The following PRICKLE1 variants were observed in gnomAD, a reference collection of about 807,000 sequenced individuals.
PRICKLE1 encodes the protein prickle-like protein 1.
Under a neutral mutation model 70.2 loss-of-function variants are expected in PRICKLE1, and 14 were observed. The ratio of observed to expected loss-of-function variants is 0.20; its 90% CI spans 0.13 to 0.31. PRICKLE1 has a LOEUF of 0.31. PRICKLE1 is among the 10% of genes least tolerant of loss of function. PRICKLE1 has a pLI of 1.00. For synonymous variants in PRICKLE1, 357 were observed against 379.9 expected (o/e 0.94, Z 0.70); for missense variants, 821 against 1,026.2 (o/e 0.80, Z 2.73).
At chr12:42,557,515 G>A (rs1230844021) in intron 1 of PRICKLE1, among the ~76,000 whole-genome samples, 1 of 152,146 alleles carries the variant, frequency 6.6e-6, no homozygotes, top group Non-Finnish European at 1.5e-5. Flanking sequence ...TGAAAATTTG[G>A]GGTGGGGGGA....
At chr12:42,486,644 G>A (rs1169420324) in intron 1 of PRICKLE1, among the ~76,000 whole-genome samples, 2 of 152,208 alleles carry the variant, frequency 1.3e-5, no homozygotes, top group African/African-American at 2.4e-5. Context: ...CAACTTTGGC[G>A]CTAATCCCTG....
chr12:42,512,950 CATTATT>C (rs34357156), intron 1 of PRICKLE1, among the ~76,000 whole-genome samples: 1 of 149,834 alleles, frequency 6.7e-6, no homozygotes. Flanking sequence ...TGCCCTAAGG[CATTATT>C]ATTATTATTA....
At chr12:42,508,576 A>G (rs1397764654) in intron 1 of PRICKLE1, among the ~76,000 whole-genome samples, 1 of 152,220 alleles carries the variant, frequency 6.6e-6, no homozygotes, top group African/African-American at 2.4e-5. Flanking sequence ...ACTGCTTCAT[A>G]AATAGCTTTA....
chr12:42,579,925 G>A (rs924852715), intron 1 of PRICKLE1, among the ~76,000 whole-genome samples: 1 of 151,840 alleles, frequency 6.6e-6, no homozygotes, highest in Non-Finnish European at 1.5e-5. Flanking sequence ...AGGCTGGAGT[G>A]CAATGGCGCA....
intron 1 of PRICKLE1, among the ~76,000 whole-genome samples, chr12:42,502,506 T>G (rs1470839842): frequency 6.6e-6 from 1 of 151,894 alleles, no homozygotes; most frequent in East Asian, 1.9e-4. Flanking sequence ...GACAGGTGTC[T>G]CACTGTCTTG....
chr12:42,518,895 C>T (rs972173867), intron 1 of PRICKLE1, among the ~76,000 whole-genome samples: 13 of 152,094 alleles, frequency 8.5e-5, no homozygotes, highest in Admixed American at 2.0e-4. Flanking sequence ...AATGTTATAA[C>T]ATGGTTATAA....
intron 1 of PRICKLE1, among the ~76,000 whole-genome samples, chr12:42,507,679 G>A (rs952964206): frequency 2.6e-5 from 4 of 152,192 alleles, no homozygotes; most frequent in African/African-American, 7.2e-5. Flanking sequence ...AGTCAATGAA[G>A]GTTGCATTGC....
intron 7 of PRICKLE1, among the ~76,000 whole-genome samples, chr12:42,463,239 T>C (rs1937930952): frequency 6.6e-6 from 1 of 152,074 alleles, no homozygotes; most frequent in African/African-American, 2.4e-5. Flanking sequence ...GCAGAGGTTA[T>C]AGTGAGCTGA....
intron 4 of PRICKLE1, 78 bp from the exon 5 acceptor site, chr12:42,468,907 A>C: frequency 7.1e-7 from 1 of 1,406,670 alleles, no homozygotes; most frequent in Non-Finnish European, 9.9e-7. Flanking sequence ...TTTAGGATAA[A>C]TCTCGAATTT....
chr12:42,506,241 G>GTTTTTTTTTTTTTTTTTTTTTTTTTTTTT (rs774029085), intron 1 of PRICKLE1, among the ~76,000 whole-genome samples: 1 of 122,098 alleles, frequency 8.2e-6, no homozygotes, highest in Admixed American at 1.0e-4. Context: ...AGTAAAAAAT[G>GTTTTTTTTTTTTTTTTTTTTTTTTTTTTT]TTCTTTTTTC....
At chr12:42,470,422 C>A in intron 2 of PRICKLE1, 63 bp from the exon 3 acceptor site, 1 of 1,140,730 alleles carries the variant, frequency 8.8e-7, no homozygotes. Flanking sequence ...CTCACTTAAT[C>A]TTTAAAAGTT....
In PRICKLE1 at chr12:42,476,504, C is replaced by T. The variant is rs368801145; in HGVS notation, c.-48-3940G>A. The stretch of plus-strand genomic sequence containing the variant: ...GCTAATTTTGTATTTTTAGTAGAGA[C>T]GGGGTTTCTCCATGTTGGTCAGACT... On this transcript the variant is annotated intron_variant, in intron 1 of 7. Coordinates refer to ENST00000345127, the MANE Select transcript of PRICKLE1 (RefSeq NM_153026.3). 7.9e-5 allele frequency among the ~76,000 whole-genome samples: 12 copies of T among 151,454 alleles called. No individual in the cohort carries two copies. The South Asian group carries it at 1.3e-3, about 16-fold the overall frequency.
chr12:42,573,054 T>C (rs1171785315), intron 1 of PRICKLE1, among the ~76,000 whole-genome samples: 4 of 152,150 alleles, frequency 2.6e-5, no homozygotes, highest in South Asian at 2.1e-4. Flanking sequence ...AGTGAGTTCC[T>C]TGGGCACTGG....
At chr12:42,563,334 A>C (rs1940551937) in intron 1 of PRICKLE1, among the ~76,000 whole-genome samples, 1 of 151,992 alleles carries the variant, frequency 6.6e-6, no homozygotes, top group Middle Eastern at 3.2e-3. Context: ...AACTACATAC[A>C]TACTGGAGTA....
chr12:42,582,113 T>C (rs1422249579), intron 1 of PRICKLE1, among the ~76,000 whole-genome samples: 3 of 152,220 alleles, frequency 2.0e-5, no homozygotes, highest in Non-Finnish European at 4.4e-5. Context: ...AGGACACGTT[T>C]TTGGCTATTA....
At chr12:42,582,036 A>C (rs1225689360) in intron 1 of PRICKLE1, among the ~76,000 whole-genome samples, 1 of 152,216 alleles carries the variant, frequency 6.6e-6, no homozygotes, top group Non-Finnish European at 1.5e-5. Context: ...AGGTTAAAAA[A>C]AATATGTTCC....
At chr12:42,563,654 G>A (rs1034236599) in intron 1 of PRICKLE1, among the ~76,000 whole-genome samples, 31 of 125,656 alleles carry the variant, frequency 2.5e-4, no homozygotes, top group Admixed American at 8.7e-4. Flanking sequence ...AGTGAGCCGA[G>A]ATCGTGCCAC....
At chr12:42,513,955 C>T (rs548796660) in intron 1 of PRICKLE1, among the ~76,000 whole-genome samples, 25 of 152,314 alleles carry the variant, frequency 1.6e-4, no homozygotes, top group African/African-American at 5.8e-4. Context: ...CAAGATTGCA[C>T]TATTGCACTC....
At chr12:42,515,740 G>C (rs577167870) in intron 1 of PRICKLE1, among the ~76,000 whole-genome samples, 1 of 152,266 alleles carries the variant, frequency 6.6e-6, no homozygotes, top group South Asian at 2.1e-4. Context: ...CTGGCTTCCA[G>C]TATTGCCATT....
Sources: allele counts gnomAD v4.1 joint callset (sites outside exome capture counted in the v4.1 genomes callset), GRCh38; gene constraint gnomAD v4.1.1; transcripts MANE v1.5; gene names NCBI Gene and HGNC (gene_info 2026-07-23, HGNC 2026-07-21).